The following KCTD14 variants were observed in gnomAD, a reference collection of about 807,000 sequenced individuals.
KCTD14 encodes the protein BTB/POZ domain-containing protein KCTD14.
In KCTD14, 7 loss-of-function variants were observed where a neutral mutation model predicts 5.9. That is an observed-to-expected ratio of 1.19 (90% CI 0.68 to 2.23). The LOEUF is 2.23. Among genes scored for constraint, KCTD14 ranks in the 30% most tolerant of loss-of-function variants. The pLI is 0.00. For missense variants in KCTD14, 342 were observed against 332.2 expected, an observed-to-expected ratio of 1.03 and a Z score of -0.23; for synonymous variants, 140 against 133.1, an observed-to-expected ratio of 1.05 and a Z score of -0.36.
At chr11:78,028,689 G>T (rs923055279) in intron 2 of KCTD14, among the ~76,000 whole-genome samples, 1 of 151,586 alleles carries the variant, frequency 6.6e-6, no homozygotes, top group Non-Finnish European at 1.5e-5. Context: ...ACCTGTGATC[G>T]CAGCACTTTG....
upstream of KCTD14, among the ~76,000 whole-genome samples, chr11:78,026,080 T>A (rs988479997): frequency 2.0e-5 from 3 of 152,190 alleles, no homozygotes; most frequent in African/African-American, 7.2e-5. Flanking sequence ...AACCTCAGGA[T>A]GTCCTCAGGT....
intron 2 of KCTD14, among the ~76,000 whole-genome samples, chr11:78,038,245 C>T (rs760216424): frequency 6.6e-6 from 1 of 152,206 alleles, no homozygotes; most frequent in African/African-American, 2.4e-5. Flanking sequence ...GACAGCTCCT[C>T]CTGCCTTCTC....
chr11:78,020,995 T>G (rs1857289610), intron 1 of KCTD14, among the ~76,000 whole-genome samples: 3 of 152,126 alleles, frequency 2.0e-5, no homozygotes, highest in Admixed American at 2.0e-4. Flanking sequence ...TTTCTGAAGC[T>G]AATTTCCAGA....
intron 2 of KCTD14, among the ~76,000 whole-genome samples, chr11:78,033,901 G>GTGTGTATA: frequency 8.7e-6 from 1 of 115,604 alleles, no homozygotes; most frequent in East Asian, 2.6e-4. Context: ...GTGTGTGTGT[G>GTGTGTATA]TATATATATA....
At chr11:78,038,263 T>A (rs1320537204) in intron 2 of KCTD14, among the ~76,000 whole-genome samples, 2 of 152,158 alleles carry the variant, frequency 1.3e-5, no homozygotes, top group African/African-American at 4.8e-5. Flanking sequence ...CTCTGAGACA[T>A]CTTTTGAAGC....
chr11:78,018,959 T>C (rs965315563), intron 1 of KCTD14, among the ~76,000 whole-genome samples: 3 of 152,116 alleles, frequency 2.0e-5, no homozygotes, highest in South Asian at 2.1e-4. Context: ...TTATTTCATA[T>C]AGATTAGAAG....
At position 78,017,318 on chromosome 11, in the gene KCTD14, C is replaced by T. The variant is rs72943029; in HGVS notation, c.91-48G>A. On this transcript the variant is annotated intron_variant, in intron 1 of 1. Coordinates refer to ENST00000353172, the MANE Select transcript of KCTD14 (RefSeq NM_023930.4). ...AAACCAACACGCCATCTCCCCTGAG[C>T]GCATTACTTATTTTTATCCAAAGGA... 8,425 of 1,516,036 alleles carry T rather than the reference C, an allele frequency of 5.6e-3. 85 individuals carry two copies. Among genetic ancestry groups the T allele is most frequent in the East Asian group, 0.054 (2,371 of 43,776 alleles). The allele number at this position is 1,516,036 out of a possible 1,614,324, so 93.9% of individuals were successfully genotyped here. A position where few individuals can be genotyped will look rare whatever the true frequency, so the allele number is the denominator to read the frequency against.
At chr11:78,034,298 T>A (rs12802833) in intron 2 of KCTD14, among the ~76,000 whole-genome samples, 1 of 152,148 alleles carries the variant, frequency 6.6e-6, no homozygotes, top group Non-Finnish European at 1.5e-5. Context: ...AGTTTTTAAA[T>A]TTTTTGTAGA....
At chr11:78,023,445 G>A (rs1019501313), upstream of KCTD14, 5 of 576,202 alleles carry the variant, frequency 8.7e-6, no homozygotes, top group South Asian at 6.1e-5. Flanking sequence ...TTTGGAGACC[G>A]AGAAATGGAG....
Position 78,017,279 on chromosome 11 carries a change from A to G in KCTD14, c.91-9T>C. 3 of 1,575,412 alleles carry G rather than the reference A, an allele frequency of 1.9e-6. No homozygotes were observed. The highest frequency in any genetic ancestry group is 2.6e-6 in the Non-Finnish European group (3 of 1,155,768). ...TCCACAACAGTAGACATCTGGGGGC[A>G]CAAGAGGCAGAGTAAACCAACACGC... is the stretch of plus-strand genomic sequence containing the variant. On this transcript the variant is annotated splice_polypyrimidine_tract_variant and intron_variant, in intron 1 of 1. Transcript: ENST00000353172.
chr11:78,018,688 C>G (rs1375613182), intron 1 of KCTD14, among the ~76,000 whole-genome samples: 1 of 146,276 alleles, frequency 6.8e-6, no homozygotes, highest in African/African-American at 2.6e-5. Flanking sequence ...GCCTGCGCGA[C>G]AGAATGAGAG....
At chr11:78,044,780 T>C (rs1423330822) in intron 1 of KCTD14, among the ~76,000 whole-genome samples, 4 of 152,034 alleles carry the variant, frequency 2.6e-5, no homozygotes, top group Non-Finnish European at 5.9e-5. Context: ...GGAAGTAAAG[T>C]ACACTTGGAA....
chr11:78,036,410 A>G (rs1166036329), intron 2 of KCTD14, among the ~76,000 whole-genome samples: 1 of 152,206 alleles, frequency 6.6e-6, no homozygotes, highest in Admixed American at 6.5e-5. Context: ...ATTGAGTTTC[A>G]TCCTCACAAT....
chr11:78,020,315 G>A (rs1857276138), intron 1 of KCTD14, among the ~76,000 whole-genome samples: 1 of 152,162 alleles, frequency 6.6e-6, no homozygotes, highest in Non-Finnish European at 1.5e-5. Flanking sequence ...ATTCTCAACT[G>A]GTCTGTGGGC....
At chr11:78,037,179 C>G (rs143188912) in intron 2 of KCTD14, among the ~76,000 whole-genome samples, 19 of 152,302 alleles carry the variant, frequency 1.2e-4, no homozygotes, top group African/African-American at 4.6e-4. Context: ...CCTGGACAAT[C>G]AGAAACTGGG....
intron 2 of KCTD14, among the ~76,000 whole-genome samples, chr11:78,031,553 ATT>A (rs1200778318): frequency 5.2e-5 from 7 of 135,424 alleles, no homozygotes; most frequent in African/African-American, 7.9e-5. Context: ...TAATTTTTGT[ATT>A]TTTTTTTTTT....
chr11:78,022,073 C>T (rs148643106), intron 1 of KCTD14, among the ~76,000 whole-genome samples: 3 of 152,294 alleles, frequency 2.0e-5, no homozygotes, highest in Non-Finnish European at 2.9e-5. Context: ...CTTCCACTGG[C>T]CTGGCAGTTC....
chr11:78,045,645 T>C (rs769097157), intron 1 of KCTD14, among the ~76,000 whole-genome samples: 1 of 152,206 alleles, frequency 6.6e-6, no homozygotes, highest in South Asian at 2.1e-4. Flanking sequence ...GTTTGGAGGT[T>C]AAAGGCAAGA....
intron 2 of KCTD14, among the ~76,000 whole-genome samples, chr11:78,035,377 T>C (rs1037805693): frequency 6.6e-6 from 1 of 152,084 alleles, no homozygotes; most frequent in Non-Finnish European, 1.5e-5. Flanking sequence ...GTCGAGTTCC[T>C]ATACATTGGC....
Sources: allele counts gnomAD v4.1 joint callset (sites outside exome capture counted in the v4.1 genomes callset), GRCh38; gene constraint gnomAD v4.1.1; transcripts MANE v1.5; gene names NCBI Gene and HGNC (gene_info 2026-07-23, HGNC 2026-07-21).